The following CNNM3 variants were observed in gnomAD, a reference collection of about 807,000 sequenced individuals.
The protein encoded by CNNM3 is metal transporter CNNM3.
A neutral mutation model predicts 57.1 loss-of-function variants in CNNM3; 47 were observed. The observed-to-expected ratio is 0.82, with a 90% confidence interval of 0.65 to 1.05. The LOEUF is 1.05. CNNM3 is among the 50% of genes least tolerant of loss of function. The pLI is 0.00. For missense variants in CNNM3, 957 were observed against 973.7 expected (o/e 0.98, Z 0.23); for synonymous variants, 507 against 478.2 (o/e 1.06, Z -0.79).
rs1376554477 is a variant in CNNM3 at position 96,817,007 on chromosome 2, AGCGGGCGCTGGAC to A, written c.733_745del (p.Gly245TrpfsTer171). 3 of 1,371,972 alleles carry A rather than the reference AGCGGGCGCTGGAC, an allele frequency of 2.2e-6. No individual in the cohort carries two copies. Among genetic ancestry groups the A allele is most frequent in the Admixed American group, 5.7e-5 (2 of 34,838 alleles). 85.0% of individuals were successfully genotyped at this position (1,371,972 alleles called of 1,614,324 possible). On this transcript the variant is annotated frameshift_variant, in exon 1 of 8. Transcript: ENST00000305510. LOFTEE classifies it high-confidence loss of function. ...GGGAGAGGTGGTGCCGGCCGCCGTG[AGCGGGCGCTGGAC>A]GCTGGCGCTGGCGCCGCGAGCGCTC...
Position 96,816,357 on chromosome 2 carries a change from C to T in CNNM3, c.80C>T (p.Ala27Val). The T allele has an allele frequency of 7.7e-7, 1 of 1,298,276 alleles. No individual in the cohort carries two copies. The allele number at this position is 1,298,276 out of a possible 1,614,324, so 80.4% of individuals were successfully genotyped here. Reference sequence around the variant, plus strand: ...TGCCTGGGCAACGCCGCGGGGGAGGCCGCGCCGGGCCCGCGAGTGCTGGGC... The same window carrying T: ...TGCCTGGGCAACGCCGCGGGGGAGGTCGCGCCGGGCCCGCGAGTGCTGGGC... ...ALCLGNAAGE[A>V]APGPRVLGFC... Residue 27 changes from alanine to valine, a missense_variant, in exon 1 of 8, where the codon GCC (alanine) becomes GTC (valine). By Grantham distance (64) the Ala-to-Val change is moderately conservative (BLOSUM62 0). Transcript: ENST00000305510.
chr2:96,828,860 G>C (rs914180155), intron 6 of CNNM3, 136 bp from the exon 7 acceptor site: 1 of 1,481,138 alleles, frequency 6.8e-7, no homozygotes, highest in South Asian at 1.3e-5. Flanking sequence ...AAAAACACTT[G>C]ACTCAGTTGC....
At chr2:96,837,302 T>C (rs151151122), downstream of CNNM3, 4 of 152,388 alleles carry the variant, frequency 2.6e-5, no homozygotes, top group Admixed American at 6.5e-5. Context: ...AGAATTGATA[T>C]CTTTACTGTA....
chr2:96,832,848 G>A lies in CNNM3; in HGVS notation c.*232G>A. On this transcript the variant is annotated 3_prime_UTR_variant, in exon 8 of 8. Coordinates refer to ENST00000305510, the MANE Select transcript of CNNM3 (RefSeq NM_017623.5). The stretch of plus-strand genomic sequence containing the variant: ...GAGTCACCAGGGCACAGCCCTCCAG[G>A]CCCGCCTCAGGAAGGAATGAAAGGA... 1 of 1,510,826 alleles carries A rather than the reference G, an allele frequency of 6.6e-7. No homozygotes were observed. Among genetic ancestry groups the A allele is most frequent in the Non-Finnish European group, 8.8e-7 (1 of 1,131,362 alleles). 93.6% of individuals were successfully genotyped at this position (1,510,826 alleles called of 1,614,324 possible).
In CNNM3 at chr2:96,833,123, G is replaced by A. The variant is rs1194422054; in HGVS notation, c.*507G>A. 3.9e-6 allele frequency: 3 copies of A among 773,344 alleles called. No homozygotes were observed. Among genetic ancestry groups the A allele is most frequent in the African/African-American group, 1.8e-5 (1 of 55,486 alleles). The allele number at this position is 773,344 out of a possible 1,614,324, so 47.9% of individuals were successfully genotyped here. On this transcript the variant is annotated 3_prime_UTR_variant, in exon 8 of 8. Transcript: ENST00000305510. ...TCAGATCGATGGCCTTGTCCATGTT[G>A]TCCTTTCTGGCTTCCCTGATGGTGT...
Position 96,816,329 on chromosome 2 carries a change from C to A in CNNM3, c.52C>A (p.Leu18Ile), listed in dbSNP as rs2079315191. The A allele has an allele frequency of 7.8e-7, 1 of 1,288,078 alleles. No homozygotes were observed. Among genetic ancestry groups the A allele is most frequent in the Non-Finnish European group, 9.8e-7 (1 of 1,018,340 alleles). 79.8% of individuals were successfully genotyped at this position (1,288,078 alleles called of 1,614,324 possible). A position where few individuals can be genotyped will look rare whatever the true frequency, so the allele number is the denominator to read the frequency against. ...AGRLGWLFAA[L>I]CLGNAAGEAA... ...TCGGTTAGGCTGGTTGTTCGCCGCG[C>A]TCTGCCTGGGCAACGCCGCGGGGGA... Residue 18 changes from leucine (L) to isoleucine (I), a missense_variant, in exon 1 of 8, where the codon CTC becomes ATC. Physicochemically the swap from Leu to Ile is conservative, Grantham distance 5. Transcript: ENST00000305510.
chr2:96,820,315 G>A (rs1050602104), intron 1 of CNNM3, among the ~76,000 whole-genome samples: 1 of 152,212 alleles, frequency 6.6e-6, no homozygotes, highest in Admixed American at 6.5e-5. Flanking sequence ...GTGTGGTGGC[G>A]GTGCGCCTTC....
chr2:96,824,124 C>T (rs779532048), intron 1 of CNNM3, among the ~76,000 whole-genome samples: 2 of 152,018 alleles, frequency 1.3e-5, no homozygotes, highest in South Asian at 2.1e-4. Flanking sequence ...TTTTTTCAGA[C>T]GGGTCTAACG....
intron 1 of CNNM3, among the ~76,000 whole-genome samples, chr2:96,818,362 C>T (rs2079356638): frequency 6.7e-6 from 1 of 150,136 alleles, no homozygotes; most frequent in Non-Finnish European, 1.5e-5. Flanking sequence ...TGATTGCAGG[C>T]GTGAGCCACT....
Position 96,816,526 on chromosome 2 carries a change from G to C in CNNM3, c.249G>C (p.Gly83=), listed in dbSNP as rs1275601348. 2.9e-6 allele frequency: 4 copies of C among 1,375,842 alleles called. No individual in the cohort carries two copies. Among genetic ancestry groups the C allele is most frequent in the Non-Finnish European group, 3.8e-6 (4 of 1,064,022 alleles). 85.2% of individuals were successfully genotyped at this position (1,375,842 alleles called of 1,614,324 possible). Residue 83 remains glycine, a synonymous_variant, in exon 1 of 8, where the codon GGG becomes GGC. Transcript: ENST00000305510. ...CTTGGTCCTGGGTGGCCCCGGAGGG[G>C]GCGGGCTGCCGGGAGGAGGCGGCCT... ...NSSWSWVAPE[G]AGCREEAASP...
Position 96,817,254 on chromosome 2 carries a change from T to G in CNNM3, c.977T>G (p.Met326Arg). ...CTCACGCCCCTCGAAGACTGCTTCA[T>G]GCTGGACGCCAGCACCGTGCTGGAC... ...DVLTPLEDCF[M>R]LDASTVLDFG... The change falls in exon 1 of 8, where the codon ATG becomes AGG. Residue 326 changes from methionine to arginine, a missense_variant. Met to Arg is a moderately conservative substitution (Grantham distance 91, BLOSUM62 -1). Coordinates refer to ENST00000305510, the MANE Select transcript of CNNM3 (RefSeq NM_017623.5). The G allele has an allele frequency of 6.2e-7, 1 of 1,611,088 alleles. No homozygotes were observed. Among genetic ancestry groups the G allele is most frequent in the Non-Finnish European group, 8.5e-7 (1 of 1,179,706 alleles).
intron 1 of CNNM3, 141 bp from the exon 2 acceptor site, chr2:96,824,917 A>G (rs1231001519): frequency 2.3e-6 from 2 of 875,264 alleles, no homozygotes; most frequent in East Asian, 5.3e-5. Flanking sequence ...GTAAAAACCT[A>G]GAAAAGAGTG....
Position 96,817,110 on chromosome 2 carries a change from A to G in CNNM3, c.833A>G (p.Glu278Gly), listed in dbSNP as rs1574096720. 7.5e-7 allele frequency: 1 copy of G among 1,338,490 alleles called. No individual in the cohort carries two copies. The highest frequency in any genetic ancestry group is 1.6e-5 in the African/African-American group (1 of 64,164). The allele number at this position is 1,338,490 out of a possible 1,614,324, so 82.9% of individuals were successfully genotyped here. ...PVALPVGQLL[E>G]LAARPGRLRE... ...GCGCTGCCCGTGGGGCAGCTGCTGGAGCTGGCGGCGCGGCCCGGGCGGCTG... is the reference window on the plus strand; with the variant it reads ...GCGCTGCCCGTGGGGCAGCTGCTGGGGCTGGCGGCGCGGCCCGGGCGGCTG... The change falls in exon 1 of 8, where the codon GAG (glutamate) becomes GGG (glycine). Residue 278 changes from glutamate (E) to glycine (G), a missense_variant. Physicochemically the swap from Glu to Gly is moderately conservative, Grantham distance 98 (BLOSUM62 -2). Transcript: ENST00000305510.
At position 96,817,327 on chromosome 2, in the gene CNNM3, G is replaced by A. The variant is rs764162708; in HGVS notation, c.1050G>A (p.Pro350=). The change falls in exon 1 of 8, where the codon CCG becomes CCA. Residue 350 remains proline, a synonymous_variant. Coordinates refer to ENST00000305510, the MANE Select transcript of CNNM3 (RefSeq NM_017623.5). The part of the protein sequence containing the change: ...SIMQSGHTRI[P]VYEEERSNIV... Reference sequence around the variant, plus strand: ...TGCAGAGCGGCCACACGCGCATCCCGGTGTACGAGGAGGAGCGCTCCAACA... The same window carrying A: ...TGCAGAGCGGCCACACGCGCATCCCAGTGTACGAGGAGGAGCGCTCCAACA... 8 of 1,613,994 alleles carry A rather than the reference G, an allele frequency of 5.0e-6. No homozygotes were observed. The African/African-American group carries it at 9.3e-5, about 19-fold the overall frequency.
chr2:96,828,828 CCCAGTTTCCAA>C, intron 6 of CNNM3, 128 bp downstream of exon 6: 1 of 1,478,714 alleles, frequency 6.8e-7, no homozygotes, highest in Non-Finnish European at 9.3e-7. Context: ...GACCTTTGCA[CCCAGTTTCCAA>C]GCAAGGTCTT....
chr2:96,827,065 T>C, intron 3 of CNNM3, 83 bp downstream of exon 3: 1 of 1,476,702 alleles, frequency 6.8e-7, no homozygotes, highest in Non-Finnish European at 9.2e-7. Flanking sequence ...ACACTGACTC[T>C]GCTCCCCACT....
In CNNM3 at chr2:96,828,035, C is replaced by T. The variant is rs570023249; in HGVS notation, c.1690-64C>T. 6.3e-5 allele frequency: 99 copies of T among 1,575,860 alleles called. No homozygotes were observed. In the Middle Eastern group the frequency reaches 6.7e-4, roughly 11 times the overall value. ...AATTGAGGTGGTGGGTTTCTCCTTCCGCTGTCTTCTGACGGGAAAGGTAAT... is the reference window on the plus strand; with the variant it reads ...AATTGAGGTGGTGGGTTTCTCCTTCTGCTGTCTTCTGACGGGAAAGGTAAT... On this transcript the variant is annotated intron_variant, in intron 4 of 7. Coordinates refer to ENST00000305510, the MANE Select transcript of CNNM3 (RefSeq NM_017623.5).
Position 96,817,889 on chromosome 2 carries a change from A to G in CNNM3, c.1225+387A>G, listed in dbSNP as rs2079349011. Among the ~76,000 whole-genome samples, 2 of 152,184 alleles carry G rather than the reference A, an allele frequency of 1.3e-5. 1 individual carries two copies. Among genetic ancestry groups the G allele is most frequent in the South Asian group, 4.1e-4 (2 of 4,834 alleles). Reference sequence around the variant, plus strand: ...TGGATAGAAACTAGAAGAACATAGAAAAGATGGTAGTCTCCAGGTATCTGG... The same window carrying G: ...TGGATAGAAACTAGAAGAACATAGAGAAGATGGTAGTCTCCAGGTATCTGG... On this transcript the variant is annotated intron_variant, in intron 1 of 7. Coordinates refer to ENST00000305510, the MANE Select transcript of CNNM3 (RefSeq NM_017623.5).
intron 1 of CNNM3, among the ~76,000 whole-genome samples, chr2:96,822,459 A>G (rs986637793): frequency 1.3e-5 from 2 of 152,080 alleles, no homozygotes; most frequent in South Asian, 2.1e-4. Context: ...ACAGGTGAAC[A>G]CCACCATCCC....
Sources: allele counts gnomAD v4.1 joint callset (sites outside exome capture counted in the v4.1 genomes callset), GRCh38; gene constraint gnomAD v4.1.1; transcripts MANE v1.5; gene names NCBI Gene and HGNC (gene_info 2026-07-23, HGNC 2026-07-21).